POLA1: variants seen among roughly 807,000 people sequenced by gnomAD.
The protein encoded by POLA1 is DNA polymerase alpha catalytic subunit.
Under a neutral mutation model 124.0 loss-of-function variants are expected in POLA1, and 15 were observed. The ratio of observed to expected loss-of-function variants is 0.12; its 90% confidence interval spans 0.08 to 0.19. The LOEUF is 0.19. Ranked by LOEUF, POLA1 falls within the 10% of genes least tolerant of loss-of-function variation. The probability of loss-of-function intolerance (pLI) is 1.00; values close to 1 mark genes in which losing one functional copy is unlikely to be tolerated. For synonymous variants in POLA1, 408 were observed against 389.4 expected, an observed-to-expected ratio of 1.05 and a Z score of -0.56; for missense variants, 886 against 1,103.4, an observed-to-expected ratio of 0.80 and a Z score of 2.79.
intron 26 of POLA1, among the ~76,000 whole-genome samples, chrX:24,767,262 A>G (rs1249471880): frequency 8.9e-6 from 1 of 111,863 alleles, no homozygotes; most frequent in Non-Finnish European, 1.9e-5. Context: ...AGCTATAGTT[A>G]AATACTATGG....
At chrX:24,728,942 G>T (rs1412881101) in intron 15 of POLA1, among the ~76,000 whole-genome samples, 1 of 111,982 alleles carries the variant, frequency 8.9e-6, no homozygotes, top group Non-Finnish European at 1.9e-5. Flanking sequence ...AGCTCTAAAG[G>T]ATCAAATTAG....
At chrX:24,719,144 C>T (rs765025184) in intron 10 of POLA1, among the ~76,000 whole-genome samples, 1 of 110,621 alleles carries the variant, frequency 9.0e-6, no homozygotes, top group Non-Finnish European at 1.9e-5. Context: ...TTTTTCAAAG[C>T]GGTTTCCTGG....
intron 32 of POLA1, among the ~76,000 whole-genome samples, chrX:24,833,109 C>T (rs922723217): frequency 9.0e-6 from 1 of 110,548 alleles, no homozygotes; most frequent in African/African-American, 3.3e-5. Context: ...ATTCTTTTGC[C>T]TTTGTGTCAT....
At chrX:24,927,476 A>G (rs2047712564) in intron 35 of POLA1, among the ~76,000 whole-genome samples, 1 of 111,519 alleles carries the variant, frequency 9.0e-6, no homozygotes, top group South Asian at 3.8e-4. Context: ...GTGTATATGG[A>G]CCTATGAGTG....
At position 24,737,621 on chromosome X, in the gene POLA1, C is replaced by T. The variant is rs764003320; in HGVS notation, c.1924-4C>T. ...ATTATCAGCTGCCTTCTTTTTCTGA[C>T]TAGGGTCATAATATTTATGGGTTTG... On this transcript the variant is annotated splice_polypyrimidine_tract_variant and splice_region_variant and intron_variant, in intron 18 of 36. Coordinates refer to ENST00000379068, the MANE Select transcript of POLA1 (RefSeq NM_001330360.2). 2.1e-6 allele frequency: 2 copies of T among 959,435 alleles called. No individual in the cohort carries two copies. The highest frequency in any genetic ancestry group is 3.8e-5 in the African/African-American group (2 of 51,988). 79.1% of individuals were successfully genotyped at this position (959,435 alleles called of 1,213,427 possible).
chrX:24,703,328 T>C lies in POLA1; in HGVS notation c.246T>C (p.Asp82=). The C allele has an allele frequency of 2.5e-6, 3 of 1,196,241 alleles. No individual in the cohort carries two copies. The highest frequency in any genetic ancestry group is 3.4e-6 in the Non-Finnish European group (3 of 882,928). Residue 82 remains aspartate, a synonymous_variant, in exon 3 of 37, where the codon GAT becomes GAC. Coordinates refer to ENST00000379068, the MANE Select transcript of POLA1 (RefSeq NM_001330360.2). The part of the protein sequence containing the change: ...YSKLVQARQD[D]DWIVDDDGIG... ...AGCTGGTTCAGGCACGCCAGGATGA[T>C]GACTGGATTGTGGATGATGGTAGGT... is the stretch of plus-strand genomic sequence containing the variant.
chrX:24,880,078 A>G (rs1247451763), intron 34 of POLA1, among the ~76,000 whole-genome samples: 1 of 111,825 alleles, frequency 8.9e-6, no homozygotes, highest in Non-Finnish European at 1.9e-5. Context: ...TCGCTAATTT[A>G]TCATGTAATA....
At chrX:24,739,294 G>T (rs1931488964) in intron 19 of POLA1, 81 bp from the exon 20 acceptor site, 3 of 654,141 alleles carry the variant, frequency 4.6e-6, no homozygotes, top group Non-Finnish European at 7.1e-6. Flanking sequence ...ATAATTTTGG[G>T]CCAGCTTCAA....
intron 10 of POLA1, among the ~76,000 whole-genome samples, chrX:24,722,723 C>CT (rs1229772216): frequency 3.0e-4 from 30 of 100,641 alleles, no homozygotes; most frequent in Middle Eastern, 4.9e-3. Context: ...GTTTGTTTCT[C>CT]TTTTTTTTTT....
At chrX:24,889,919 G>A (rs1396745649) in intron 35 of POLA1, among the ~76,000 whole-genome samples, 2 of 111,275 alleles carry the variant, frequency 1.8e-5, no homozygotes, top group African/African-American at 6.5e-5. Flanking sequence ...ACAAAATTTG[G>A]CAACTAGTCA....
intron 34 of POLA1, among the ~76,000 whole-genome samples, chrX:24,855,605 C>T (rs5944690): frequency 0.36 from 39,786 of 110,692 alleles, 5,167 homozygotes; most frequent in South Asian, 0.43. Context: ...ATTGGAGCTT[C>T]GTCACAAGAA....
intron 35 of POLA1, among the ~76,000 whole-genome samples, chrX:24,912,226 A>G (rs146872038): frequency 1.8e-5 from 2 of 112,511 alleles, no homozygotes; most frequent in Non-Finnish European, 3.8e-5. Flanking sequence ...TTAACTCCAA[A>G]TATATCGTAG....
intron 35 of POLA1, among the ~76,000 whole-genome samples, chrX:24,923,807 T>C (rs2047652313): frequency 8.9e-6 from 1 of 112,172 alleles, no homozygotes; most frequent in African/African-American, 3.2e-5. Context: ...GTATTTTTTT[T>C]TCACCCTCTG....
Position 24,866,952 on chromosome X carries a change from T to A in POLA1, c.4048-21054T>A, listed in dbSNP as rs1328856092. On this transcript the variant is annotated intron_variant, in intron 34 of 36. Transcript: ENST00000379068. The stretch of plus-strand genomic sequence containing the variant: ...GTACTACTTTAATGACAAAGTAATT[T>A]CTTCATTTGAGGTAAAAAAAATTAG... Among the ~76,000 whole-genome samples, 3 of 111,982 alleles carry A rather than the reference T, an allele frequency of 2.7e-5. No individual in the cohort carries two copies. In the Admixed American group the frequency reaches 2.8e-4, roughly 11 times the overall value.
At chrX:24,708,959 C>T (rs1602254597) in intron 4 of POLA1, among the ~76,000 whole-genome samples, 2 of 73,545 alleles carry the variant, frequency 2.7e-5, no homozygotes, top group African/African-American at 4.6e-5. Flanking sequence ...CCAGTAGGGG[C>T]GGCCGGGCAG....
intron 34 of POLA1, among the ~76,000 whole-genome samples, chrX:24,879,054 A>G (rs2046971312): frequency 9.0e-6 from 1 of 111,694 alleles, no homozygotes; most frequent in Non-Finnish European, 1.9e-5. Context: ...TTTTGTGCAT[A>G]TAGTGATGAA....
chrX:24,701,934 AG>A (rs1280514957), intron 2 of POLA1, among the ~76,000 whole-genome samples: 1 of 106,531 alleles, frequency 9.4e-6, no homozygotes, highest in Non-Finnish European at 1.9e-5. Context: ...TTGTATTTTT[AG>A]TAGAGATGGG....
At chrX:24,888,367 T>G (rs1204390132) in intron 35 of POLA1, among the ~76,000 whole-genome samples, 1 of 111,478 alleles carries the variant, frequency 9.0e-6, no homozygotes, top group East Asian at 2.8e-4. Context: ...ATAGATTTCT[T>G]TGGTTGCCAC....
chrX:24,970,157 C>A (rs1185458319), intron 36 of POLA1, among the ~76,000 whole-genome samples: 2 of 111,967 alleles, frequency 1.8e-5, no homozygotes, highest in African/African-American at 6.5e-5. Flanking sequence ...AGACTACACA[C>A]CTACAACCAT....
Sources: gnomAD v4.1 joint callset for allele counts (sites outside exome capture counted in the v4.1 genomes callset) on GRCh38, gnomAD v4.1.1 for gene constraint, MANE v1.5 for transcripts, NCBI Gene and HGNC (gene_info 2026-07-23, HGNC 2026-07-21) for gene names.